CSMD1: variants seen among roughly 807,000 people sequenced by gnomAD.
CSMD1 encodes CUB and Sushi multiple domains 1, also known as CUB and sushi domain-containing protein 1.
In CSMD1, 213 loss-of-function variants were observed where a neutral mutation model predicts 417.5. That is an observed-to-expected ratio of 0.51 (90% CI 0.46 to 0.57). The LOEUF (loss-of-function observed/expected upper bound fraction) is 0.57. Ranked by LOEUF, CSMD1 falls within the 20% of genes least tolerant of loss-of-function variation. The probability of loss-of-function intolerance (pLI) is 0.00; values close to 1 mark genes in which losing one functional copy is unlikely to be tolerated. For missense variants in CSMD1, 6,923 were observed against 4,529.7 expected (o/e 1.53, Z -15.17); for synonymous variants, 2,862 against 1,736.8 (o/e 1.65, Z -16.11).
chr8:4,777,209 C>T, intron 1 of CSMD1, among the ~76,000 whole-genome samples: 1 of 152,110 alleles, frequency 6.6e-6, no homozygotes, highest in East Asian at 1.9e-4. Flanking sequence ...TTACCAAAGA[C>T]AGCTAAACCA....
intron 10 of CSMD1, among the ~76,000 whole-genome samples, chr8:3,534,387 G>C (rs905604361): frequency 6.6e-6 from 1 of 151,990 alleles, no homozygotes; most frequent in Non-Finnish European, 1.5e-5. Flanking sequence ...TTGCTTTGTA[G>C]ACTCAGTTTA....
intron 1 of CSMD1, among the ~76,000 whole-genome samples, chr8:4,852,260 G>A (rs1356107395): frequency 6.6e-6 from 1 of 152,200 alleles, no homozygotes; most frequent in African/African-American, 2.4e-5. Context: ...TAGTTTTGGA[G>A]GTGGGGCCTT....
At chr8:4,214,671 T>C (rs184921742) in intron 3 of CSMD1, among the ~76,000 whole-genome samples, 6 of 152,254 alleles carry the variant, frequency 3.9e-5, no homozygotes, top group Non-Finnish European at 4.4e-5. Flanking sequence ...TGTATGAGTA[T>C]GAGTGTGTTT....
chr8:3,761,500 A>ATTTTTTTTT (rs57655479), intron 5 of CSMD1, among the ~76,000 whole-genome samples: 4 of 93,358 alleles, frequency 4.3e-5, no homozygotes, highest in East Asian at 3.6e-4. Context: ...CAAAACGACC[A>ATTTTTTTTT]TTTTTTTTTT....
chr8:3,201,551 T>A, intron 32 of CSMD1, 61 bp downstream of exon 32: 1 of 839,534 alleles, frequency 1.2e-6, no homozygotes, highest in South Asian at 2.1e-5. Flanking sequence ...AACAGACAAG[T>A]TAAAAATTAA....
At chr8:3,134,197 AG>A (rs1306228614) in intron 41 of CSMD1, among the ~76,000 whole-genome samples, 116 of 152,316 alleles carry the variant, frequency 7.6e-4, no homozygotes, top group African/African-American at 2.7e-3. Context: ...AAAGAGAAAA[AG>A]AAAAACAAAA....
chr8:2,996,679 A>T (rs1806927598), intron 54 of CSMD1, among the ~76,000 whole-genome samples: 1 of 152,230 alleles, frequency 6.6e-6, no homozygotes, highest in Admixed American at 6.5e-5. Flanking sequence ...CAACTGCCAA[A>T]AAGATTGAAT....
In CSMD1 at chr8:4,380,982, G is replaced by A. The variant is rs981067596; in HGVS notation, c.415+38971C>T. Among the ~76,000 whole-genome samples the A allele has an allele frequency of 4.6e-5, 7 of 152,170 alleles. No homozygotes were observed. The East Asian group carries it at 5.8e-4, about 13-fold the overall frequency. ...TTAACCCATTTCCCATTTGGGAAAAGAAAAAGCGTATCTCACTGCCAGAAC... is the reference window on the plus strand; with the variant it reads ...TTAACCCATTTCCCATTTGGGAAAAAAAAAAGCGTATCTCACTGCCAGAAC... On this transcript the variant is annotated intron_variant, in intron 3 of 69. Transcript: ENST00000635120.
intron 5 of CSMD1, among the ~76,000 whole-genome samples, chr8:3,959,397 G>A (rs1412438489): frequency 6.6e-6 from 1 of 152,206 alleles, no homozygotes; most frequent in African/African-American, 2.4e-5. Context: ...TACTCAAGAG[G>A]CTGAAGTGGG....
At chr8:3,429,108 G>C (rs1024021865) in intron 12 of CSMD1, among the ~76,000 whole-genome samples, 5 of 152,158 alleles carry the variant, frequency 3.3e-5, no homozygotes, top group African/African-American at 1.2e-4. Context: ...AGAAGTTCTT[G>C]TGTGCTATTG....
At chr8:4,936,337 C>A (rs964581951) in intron 1 of CSMD1, among the ~76,000 whole-genome samples, 1 of 152,064 alleles carries the variant, frequency 6.6e-6, no homozygotes. Context: ...CAGGAAAAAA[C>A]TGAAATAGTA....
intron 41 of CSMD1, among the ~76,000 whole-genome samples, chr8:3,125,501 T>C (rs1219904698): frequency 6.6e-6 from 1 of 152,340 alleles, no homozygotes; most frequent in East Asian, 1.9e-4. Flanking sequence ...ATCACTTCAG[T>C]GGAATTTGAT....
At chr8:4,225,998 A>T (rs1358896812) in intron 3 of CSMD1, among the ~76,000 whole-genome samples, 1 of 151,918 alleles carries the variant, frequency 6.6e-6, no homozygotes, top group Non-Finnish European at 1.5e-5. Context: ...AGGTATGTTA[A>T]AATAAATTTT....
At chr8:4,433,722 G>C (rs956442886) in intron 2 of CSMD1, among the ~76,000 whole-genome samples, 3 of 152,120 alleles carry the variant, frequency 2.0e-5, no homozygotes, top group Admixed American at 1.3e-4. Flanking sequence ...CCCATCTTTT[G>C]ATTGAAAAAT....
chr8:3,385,832 G>T (rs898869201), intron 18 of CSMD1, among the ~76,000 whole-genome samples: 2 of 151,978 alleles, frequency 1.3e-5, no homozygotes, highest in African/African-American at 2.4e-5. Flanking sequence ...ATAAGAAGAA[G>T]TTGGCCAGAG....
At chr8:3,351,548 G>C (rs73505660) in intron 21 of CSMD1, among the ~76,000 whole-genome samples, 25,757 of 146,794 alleles carry the variant, frequency 0.18, 2,248 homozygotes, top group Middle Eastern at 0.26. Context: ...AGTGAGCCGA[G>C]ACCACCCAAC....
chr8:3,473,366 C>T (rs1345630454), intron 11 of CSMD1, among the ~76,000 whole-genome samples: 2 of 152,130 alleles, frequency 1.3e-5, no homozygotes, highest in Non-Finnish European at 2.9e-5. Context: ...ACTGTAATTA[C>T]AGCTTATTAT....
chr8:3,001,180 G>C (rs1376429278), intron 52 of CSMD1, among the ~76,000 whole-genome samples: 3 of 151,938 alleles, frequency 2.0e-5, no homozygotes, highest in African/African-American at 7.3e-5. Flanking sequence ...ATTTTTAGTA[G>C]AGATGGGGTC....
intron 10 of CSMD1, among the ~76,000 whole-genome samples, chr8:3,565,321 G>C (rs959476600): frequency 6.7e-6 from 1 of 148,420 alleles, no homozygotes; most frequent in Non-Finnish European, 1.5e-5. Flanking sequence ...TGGGAGAAAA[G>C]TGAACAGGGC....
Sources: allele counts gnomAD v4.1 joint callset (sites outside exome capture counted in the v4.1 genomes callset), GRCh38; gene constraint gnomAD v4.1.1; transcripts MANE v1.5; gene names NCBI Gene and HGNC (gene_info 2026-07-23, HGNC 2026-07-21).